DMXL2: variants seen among roughly 807,000 people sequenced by gnomAD.
DMXL2 encodes the protein Dmx like 2.
A neutral mutation model predicts 331.1 loss-of-function variants in DMXL2; 103 were observed. That is an observed-to-expected ratio of 0.31 (90% CI 0.27 to 0.37). The LOEUF (loss-of-function observed/expected upper bound fraction) is 0.37, where lower values mean the gene tolerates loss of function less well. Among genes scored for constraint, DMXL2 ranks in the 10% least tolerant of loss-of-function variants. The pLI is 1.00. For synonymous variants in DMXL2, 1,281 were observed against 1,252.1 expected (o/e 1.02, Z -0.49); for missense variants, 3,171 against 3,642.9 (o/e 0.87, Z 3.33).
At chr15:51,556,605 T>C (rs988187466) in intron 6 of DMXL2, among the ~76,000 whole-genome samples, 2 of 151,848 alleles carry the variant, frequency 1.3e-5, no homozygotes, top group African/African-American at 4.8e-5. Context: ...AAACTTCATC[T>C]CTACCAAAAA....
At chr15:51,472,634 T>C (rs556430838) in intron 28 of DMXL2, among the ~76,000 whole-genome samples, 1 of 152,336 alleles carries the variant, frequency 6.6e-6, no homozygotes, top group South Asian at 2.1e-4. Flanking sequence ...ATGAGACTTT[T>C]TGTGTCTGGC....
At chr15:51,469,511 A>G (rs2040900064) in intron 29 of DMXL2, among the ~76,000 whole-genome samples, 1 of 152,206 alleles carries the variant, frequency 6.6e-6, no homozygotes, top group South Asian at 2.1e-4. Flanking sequence ...CATTTTTTTA[A>G]TCTGAGGAAA....
At chr15:51,549,177 C>T (rs537054350) in intron 6 of DMXL2, among the ~76,000 whole-genome samples, 1 of 152,202 alleles carries the variant, frequency 6.6e-6, no homozygotes, top group South Asian at 2.1e-4. Flanking sequence ...ATCTTCATAG[C>T]TTAGCTCCCA....
At chr15:51,515,081 A>G (rs17524857) in intron 14 of DMXL2, among the ~76,000 whole-genome samples, 7 of 152,312 alleles carry the variant, frequency 4.6e-5, no homozygotes, top group African/African-American at 1.4e-4. Context: ...GAGGGATCCT[A>G]TAACAGCCAG....
intron 21 of DMXL2, 30 bp downstream of exon 21, chr15:51,488,518 T>C: frequency 1.9e-6 from 3 of 1,551,094 alleles, no homozygotes; most frequent in Admixed American, 1.7e-5. Flanking sequence ...TTCATTCTGT[T>C]GAATCACGTT....
At chr15:51,620,445 T>C (rs1043259647) in intron 1 of DMXL2, among the ~76,000 whole-genome samples, 6 of 152,238 alleles carry the variant, frequency 3.9e-5, no homozygotes, top group Non-Finnish European at 5.9e-5. Flanking sequence ...AAGATCAGTA[T>C]GTAACAGAGG....
At chr15:51,594,852 CA>C (rs1162703720) in intron 1 of DMXL2, among the ~76,000 whole-genome samples, 2 of 152,140 alleles carry the variant, frequency 1.3e-5, no homozygotes, top group African/African-American at 4.8e-5. Flanking sequence ...AGGCCTTTGA[CA>C]AAATTCAACA....
intron 23 of DMXL2, among the ~76,000 whole-genome samples, chr15:51,482,007 G>A (rs1026246831): frequency 3.9e-5 from 6 of 152,090 alleles, no homozygotes; most frequent in African/African-American, 1.4e-4. Context: ...TTCCTTAAAA[G>A]GGGAGAGCAA....
chr15:51,450,460 T>C, intron 42 of DMXL2, 114 bp from the exon 43 acceptor site: 1 of 1,005,442 alleles, frequency 9.9e-7, no homozygotes. Context: ...CATTCTAAGG[T>C]ACATTTATTG....
chr15:51,471,271 T>G lies in DMXL2; in HGVS notation c.7344A>C (p.Glu2448Asp). 1 of 1,614,100 alleles carries G rather than the reference T, an allele frequency of 6.2e-7. No homozygotes were observed. The highest frequency in any genetic ancestry group is 8.5e-7 in the Non-Finnish European group (1 of 1,179,948). ...PVPAERPSYK[E>D]KFIPPELSMW... ...TACTAAGTTCGGGAGGAATAAATTT[T>G]TCTTTGTAAGATGGTCTTTCTGCAG... The change falls in exon 29 of 44, where the codon GAA becomes GAC. Residue 2448 changes from glutamate (E) to aspartate (D), a missense_variant. Glu to Asp is a conservative substitution (Grantham distance 45). Coordinates refer to ENST00000560891, the MANE Select transcript of DMXL2 (RefSeq NM_001378457.1).
chr15:51,527,796 T>C (rs1167088050), intron 13 of DMXL2, among the ~76,000 whole-genome samples: 2 of 150,224 alleles, frequency 1.3e-5, no homozygotes, highest in East Asian at 3.9e-4. Flanking sequence ...AAACACAGAA[T>C]ATTACACTGT....
In DMXL2 at chr15:51,586,043, A is replaced by G. The variant is rs553422269; in HGVS notation, c.88-9862T>C. 5.6e-4 allele frequency among the ~76,000 whole-genome samples: 86 copies of G among 152,358 alleles called. 1 individual carries two copies. Among genetic ancestry groups the G allele is most frequent in the African/African-American group, 2.0e-3 (84 of 41,590 alleles). On this transcript the variant is annotated intron_variant, in intron 1 of 43. Coordinates refer to ENST00000560891, the MANE Select transcript of DMXL2 (RefSeq NM_001378457.1). ...ATAAGTTCTTTTGTCCACATGATTG[A>G]GAACACACTTTACTGACATGATTCA...
rs1008869971 is a variant in DMXL2, at chr15:51,448,252, T to C, written c.*732A>G. On this transcript the variant is annotated 3_prime_UTR_variant, in exon 44 of 44. Coordinates refer to ENST00000560891, the MANE Select transcript of DMXL2 (RefSeq NM_001378457.1). Reference sequence around the variant, plus strand: ...GAAAAGAAAAAGTACTAAACTGGACTAAGAAGGTGTGTTTGGTTAACTACA... The same window carrying C: ...GAAAAGAAAAAGTACTAAACTGGACCAAGAAGGTGTGTTTGGTTAACTACA... The C allele has an allele frequency of 5.2e-5, 8 of 152,730 alleles. 1 individual carries two copies. In the East Asian group the frequency reaches 1.5e-3, roughly 29 times the overall value. 9.5% of individuals were successfully genotyped at this position (152,730 alleles called of 1,614,324 possible). A position where few individuals can be genotyped will look rare whatever the true frequency, so the allele number is the denominator to read the frequency against.
chr15:51,473,535 T>C (rs2041309281), intron 28 of DMXL2, among the ~76,000 whole-genome samples: 1 of 152,350 alleles, frequency 6.6e-6, no homozygotes, highest in Non-Finnish European at 1.5e-5. Flanking sequence ...TCCCTTACAA[T>C]GACTTACACA....
Position 51,448,023 on chromosome 15 carries a change from C to T in DMXL2, c.*961G>A, listed in dbSNP as rs2038828498. 6.6e-6 allele frequency: 1 copy of T among 152,544 alleles called. No homozygotes were observed. Among genetic ancestry groups the T allele is most frequent in the Non-Finnish European group, 1.5e-5 (1 of 68,036 alleles). The allele number at this position is 152,544 out of a possible 1,614,324, so 9.4% of individuals were successfully genotyped here. On this transcript the variant is annotated 3_prime_UTR_variant, in exon 44 of 44. Transcript: ENST00000560891. ...CCAAGGAAATACATCAAAATAATGA[C>T]AACATTGGCTAATATTTTACAAGCA...
chr15:51,517,034 G>A (rs1415252724), intron 14 of DMXL2, 44 bp downstream of exon 14: 1 of 1,451,958 alleles, frequency 6.9e-7, no homozygotes, highest in African/African-American at 1.4e-5. Flanking sequence ...AAACACCATG[G>A]GATAAAGTAT....
chr15:51,452,690 C>T (rs1180206382), intron 41 of DMXL2, among the ~76,000 whole-genome samples: 3 of 152,120 alleles, frequency 2.0e-5, no homozygotes, highest in Non-Finnish European at 4.4e-5. Context: ...ACGGAGATTC[C>T]TTAAAGAACT....
At position 51,576,799 on chromosome 15, in the gene DMXL2, G is replaced by T. The variant is rs181393367; in HGVS notation, c.88-618C>A. On this transcript the variant is annotated intron_variant, in intron 1 of 43. Transcript: ENST00000560891. ...AACATCATCAGGCCTGAGGGAGAAA[G>T]GAAACCAACCCAAAGTTGTTTTACC... Among the ~76,000 whole-genome samples, 5 of 151,812 alleles carry T rather than the reference G, an allele frequency of 3.3e-5. No individual in the cohort carries two copies. The East Asian group carries it at 9.7e-4, about 29-fold the overall frequency.
intron 18 of DMXL2, among the ~76,000 whole-genome samples, chr15:51,495,781 C>G (rs2043131415): frequency 6.6e-6 from 1 of 151,986 alleles, no homozygotes; most frequent in Non-Finnish European, 1.5e-5. Flanking sequence ...CAGACAGCAC[C>G]TAGCCCAATA....
Sources: allele counts gnomAD v4.1 joint callset (sites outside exome capture counted in the v4.1 genomes callset), GRCh38; gene constraint gnomAD v4.1.1; transcripts MANE v1.5; gene names NCBI Gene and HGNC (gene_info 2026-07-23, HGNC 2026-07-21).